Variants in GMDS observed in about 807,000 individuals in gnomAD.
GMDS encodes GDP-mannose 4,6-dehydratase.
Under a neutral mutation model 49.9 loss-of-function variants are expected in GMDS, and 20 were observed. The ratio of observed to expected loss-of-function variants is 0.40; its 90% confidence interval spans 0.28 to 0.58. GMDS has a LOEUF of 0.58. Ranked by LOEUF, GMDS falls within the 20% of genes least tolerant of loss-of-function variation. The pLI, the probability that GMDS is intolerant of heterozygous loss-of-function variation, is 0.42. For missense variants in GMDS, 362 were observed against 481.4 expected (o/e 0.75, Z 2.32); for synonymous variants, 177 against 178.6 (o/e 0.99, Z 0.07).
intron 1 of GMDS, among the ~76,000 whole-genome samples, chr6:2,212,727 A>AG (rs1780125398): frequency 6.8e-6 from 1 of 147,192 alleles, no homozygotes; most frequent in African/African-American, 2.5e-5. Flanking sequence ...AAAAAAAAAA[A>AG]AACTAAATTA....
chr6:1,846,080 CT>C (rs11298909), intron 7 of GMDS, among the ~76,000 whole-genome samples: 16,890 of 121,624 alleles, frequency 0.14, 1,674 homozygotes, highest in African/African-American at 0.3. Flanking sequence ...CACCATGTTT[CT>C]TTTTTTTTTT....
intron 4 of GMDS, among the ~76,000 whole-genome samples, chr6:2,057,921 T>A (rs1019547120): frequency 6.6e-6 from 1 of 152,058 alleles, no homozygotes; most frequent in African/African-American, 2.4e-5. Context: ...AAAATATAAA[T>A]CAAAATAGTG....
At chr6:2,141,851 T>G (rs533896365) in intron 1 of GMDS, among the ~76,000 whole-genome samples, 29 of 142,700 alleles carry the variant, frequency 2.0e-4, no homozygotes, top group Admixed American at 2.0e-3. Context: ...CTGGGTTTGG[T>G]TTTGGTTGTG....
rs140359568 is a variant in GMDS, at chr6:1,960,108, C to T, written c.539-137G>A. 877 of 516,992 alleles carry T rather than the reference C, an allele frequency of 1.7e-3. 4 individuals carry two copies. Among genetic ancestry groups the T allele is most frequent in the Non-Finnish European group, 1.6e-4 (47 of 287,300 alleles). The allele number at this position is 516,992 out of a possible 1,614,324, so 32.0% of individuals were successfully genotyped here. On this transcript the variant is annotated intron_variant, in intron 5 of 10. Transcript: ENST00000380815. ...ACAAAAAAGTATCAAAACCCAAAGA[C>T]GAAATAAAGGTTATTACACCTGTCA...
At chr6:2,138,194 G>A (rs909961959) in intron 1 of GMDS, among the ~76,000 whole-genome samples, 3 of 152,142 alleles carry the variant, frequency 2.0e-5, no homozygotes, top group African/African-American at 2.4e-5. Flanking sequence ...TGTATTAATC[G>A]GACAATGGAT....
intron 9 of GMDS, among the ~76,000 whole-genome samples, chr6:1,702,994 G>C (rs1300380054): frequency 6.6e-6 from 1 of 152,202 alleles, no homozygotes; most frequent in Non-Finnish European, 1.5e-5. Flanking sequence ...GAGTCCACAT[G>C]TGCAGAGATG....
intron 4 of GMDS, among the ~76,000 whole-genome samples, chr6:1,995,058 C>A (rs1375560134): frequency 1.3e-5 from 2 of 152,080 alleles, no homozygotes; most frequent in Non-Finnish European, 2.9e-5. Flanking sequence ...TAACCTTATA[C>A]GAAGGCACCT....
At chr6:1,625,816 C>T (rs1189537834) in intron 9 of GMDS, among the ~76,000 whole-genome samples, 1 of 152,230 alleles carries the variant, frequency 6.6e-6, no homozygotes, top group Non-Finnish European at 1.5e-5. Context: ...ATGTACTCGT[C>T]AAATAACACA....
chr6:2,205,664 T>C (rs1385340627), intron 1 of GMDS, among the ~76,000 whole-genome samples: 1 of 152,182 alleles, frequency 6.6e-6, no homozygotes, highest in Non-Finnish European at 1.5e-5. Flanking sequence ...CCAAAGAAGT[T>C]CTTATGCTGG....
At chr6:1,656,691 GA>G (rs1297207527) in intron 9 of GMDS, among the ~76,000 whole-genome samples, 1 of 151,978 alleles carries the variant, frequency 6.6e-6, no homozygotes, top group Non-Finnish European at 1.5e-5. Flanking sequence ...TTGAACCTGG[GA>G]GGTAAAGGTT....
intron 1 of GMDS, among the ~76,000 whole-genome samples, chr6:2,180,978 TA>T (rs1640615423): frequency 6.6e-6 from 1 of 151,796 alleles, no homozygotes; most frequent in Non-Finnish European, 1.5e-5. Context: ...CCATCCTGGC[TA>T]AAACAGTGAA....
At chr6:1,785,140 AAC>A (rs1352385178) in intron 7 of GMDS, among the ~76,000 whole-genome samples, 1 of 152,208 alleles carries the variant, frequency 6.6e-6, no homozygotes, top group Non-Finnish European at 1.5e-5. Flanking sequence ...ATTATTTTCT[AAC>A]AGAGAGTTAT....
At chr6:1,934,798 C>T (rs930223293) in intron 6 of GMDS, among the ~76,000 whole-genome samples, 1 of 152,004 alleles carries the variant, frequency 6.6e-6, no homozygotes, top group Non-Finnish European at 1.5e-5. Flanking sequence ...CAGAAGAATG[C>T]TCTTTTAAGG....
intron 1 of GMDS, among the ~76,000 whole-genome samples, chr6:2,167,875 A>G (rs961780438): frequency 6.6e-6 from 1 of 152,254 alleles, no homozygotes; most frequent in Non-Finnish European, 1.5e-5. Context: ...TTCCTCTTGT[A>G]CCTTCAATGC....
intron 4 of GMDS, among the ~76,000 whole-genome samples, chr6:2,025,031 T>C (rs1277190772): frequency 1.3e-5 from 2 of 151,998 alleles, no homozygotes; most frequent in Non-Finnish European, 2.9e-5. Flanking sequence ...AAGGATATGA[T>C]AATCATACAA....
chr6:2,024,888 TTAG>T (rs1247366082), intron 4 of GMDS, among the ~76,000 whole-genome samples: 1 of 113,380 alleles, frequency 8.8e-6, no homozygotes, highest in East Asian at 1.9e-4. Context: ...ATTGAAAATA[TTAG>T]TAGAAAAAGA....
chr6:2,227,220 T>A (rs1250409604), intron 1 of GMDS, among the ~76,000 whole-genome samples: 3 of 152,012 alleles, frequency 2.0e-5, no homozygotes, highest in African/African-American at 7.2e-5. Flanking sequence ...TATATATATA[T>A]AAAATGTTTC....
intron 4 of GMDS, among the ~76,000 whole-genome samples, chr6:2,013,012 T>C (rs1332666582): frequency 3.9e-5 from 6 of 152,140 alleles, no homozygotes; most frequent in Non-Finnish European, 1.5e-5. Context: ...TCTGGCCGCA[T>C]CTATCTGTCC....
chr6:2,142,834 A>G (rs1216974728), intron 1 of GMDS, among the ~76,000 whole-genome samples: 1 of 151,456 alleles, frequency 6.6e-6, no homozygotes, highest in African/African-American at 2.4e-5. Flanking sequence ...AAGCCCCCAG[A>G]CTCGCCTGCC....
Sources: allele counts gnomAD v4.1 joint callset (sites outside exome capture counted in the v4.1 genomes callset), GRCh38; gene constraint gnomAD v4.1.1; transcripts MANE v1.5; gene names NCBI Gene and HGNC (gene_info 2026-07-23, HGNC 2026-07-21).